The following HMG20A variants were observed in gnomAD, a reference collection of about 807,000 sequenced individuals.
HMG20A encodes high mobility group protein 20A.
A neutral mutation model predicts 43.9 loss-of-function variants in HMG20A; 17 were observed. That is an observed-to-expected ratio of 0.39 (90% CI 0.27 to 0.58). The LOEUF (loss-of-function observed/expected upper bound fraction) is 0.58. Among genes scored for constraint, HMG20A ranks in the 20% least tolerant of loss-of-function variants. The probability of loss-of-function intolerance (pLI) is 0.59; values close to 1 mark genes in which losing one functional copy is unlikely to be tolerated. For synonymous variants in HMG20A, 132 were observed against 147.5 expected (o/e 0.89, Z 0.76); for missense variants, 341 against 438.2 (o/e 0.78, Z 1.98).
the HMG20A span, among the ~76,000 whole-genome samples, chr15:77,517,275 G>A: frequency 6.6e-6 from 1 of 152,110 alleles, no homozygotes; most frequent in Non-Finnish European, 1.5e-5. Context: ...TTTCTTTGTA[G>A]CCACTGAGGA....
At chr15:77,450,454 A>G (rs2073724331) in intron 1 of HMG20A, among the ~76,000 whole-genome samples, 1 of 152,218 alleles carries the variant, frequency 6.6e-6, no homozygotes, top group Non-Finnish European at 1.5e-5. Context: ...TGTATGAAAC[A>G]AAGTTTGTAT....
the HMG20A span, among the ~76,000 whole-genome samples, chr15:77,516,554 G>A: frequency 6.6e-6 from 1 of 152,126 alleles, no homozygotes; most frequent in African/African-American, 2.4e-5. Context: ...CCCACCATGT[G>A]TGTCCCACTT....
intron 2 of HMG20A, among the ~76,000 whole-genome samples, chr15:77,463,670 T>C (rs929731058): frequency 4.6e-5 from 7 of 152,238 alleles, no homozygotes; most frequent in Non-Finnish European, 7.3e-5. Context: ...TAAGTACATC[T>C]GTCTGATTTA....
At chr15:77,511,845 A>G in the HMG20A span, among the ~76,000 whole-genome samples, 1 of 152,212 alleles carries the variant, frequency 6.6e-6, no homozygotes, top group Non-Finnish European at 1.5e-5. Context: ...GGAAAACCGT[A>G]TGGCAGATCC....
chr15:77,494,318 T>G, the HMG20A span, among the ~76,000 whole-genome samples: 1 of 152,050 alleles, frequency 6.6e-6, no homozygotes, highest in Non-Finnish European at 1.5e-5. Flanking sequence ...TTTATAGAGA[T>G]GGGGGTCTCA....
chr15:77,474,062 C>T (rs558694929), intron 6 of HMG20A, among the ~76,000 whole-genome samples: 1 of 152,230 alleles, frequency 6.6e-6, no homozygotes, highest in African/African-American at 2.4e-5. Flanking sequence ...CAGTAATTTT[C>T]TTACATATAA....
intron 2 of HMG20A, among the ~76,000 whole-genome samples, chr15:77,464,018 T>C (rs1047916653): frequency 3.9e-5 from 6 of 152,208 alleles, no homozygotes; most frequent in African/African-American, 1.4e-4. Context: ...TTGTTTTTGG[T>C]AGGAGATGTC....
intron 1 of HMG20A, 77 bp from the exon 2 acceptor site, chr15:77,458,327 G>C (rs1038430827): frequency 1.4e-5 from 13 of 898,666 alleles, no homozygotes; most frequent in Admixed American, 6.0e-5. Flanking sequence ...GTTCAAGAAG[G>C]CTGGCTCTTA....
rs1043567841 is a variant in HMG20A, at chr15:77,464,432, G to A, written c.237+45G>A. 1.9e-6 allele frequency: 3 copies of A among 1,598,116 alleles called. No individual in the cohort carries two copies. In the African/African-American group the frequency reaches 4.0e-5, roughly 21 times the overall value. ...TCTGTTCCTATCCTCTGAAACTTCT[G>A]AAGAAGCAGTCACAAGGAAGGTGTG... is the stretch of plus-strand genomic sequence containing the variant. On this transcript the variant is annotated intron_variant, in intron 3 of 9. Transcript: ENST00000336216.
chr15:77,468,128 T>C (rs1200733508), intron 4 of HMG20A, among the ~76,000 whole-genome samples: 1 of 152,228 alleles, frequency 6.6e-6, no homozygotes, highest in Non-Finnish European at 1.5e-5. Flanking sequence ...TTGCAACTTT[T>C]GAAGCTCTGT....
chr15:77,438,836 G>A (rs1163438937), intron 1 of HMG20A, among the ~76,000 whole-genome samples: 1 of 152,110 alleles, frequency 6.6e-6, no homozygotes, highest in African/African-American at 2.4e-5. Flanking sequence ...TGTCACCCAG[G>A]CTGGAGTGCA....
chr15:77,471,135 T>C (rs2072804560), intron 5 of HMG20A, 93 bp downstream of exon 5: 1 of 1,311,040 alleles, frequency 7.6e-7, no homozygotes, highest in Admixed American at 2.7e-5. Flanking sequence ...ATAAAAGATG[T>C]GTTTCTGTTT....
chr15:77,492,419 G>A, the HMG20A span, among the ~76,000 whole-genome samples: 1 of 152,160 alleles, frequency 6.6e-6, no homozygotes, highest in Non-Finnish European at 1.5e-5. Flanking sequence ...AAATCAAAAT[G>A]TAATTTCCCC....
chr15:77,421,217 G>A (rs901187469), intron 1 of HMG20A: 2 of 312,796 alleles, frequency 6.4e-6, no homozygotes, highest in African/African-American at 4.3e-5. Flanking sequence ...TGATGGTTTG[G>A]GGGTGTCCGA....
intron 1 of HMG20A, among the ~76,000 whole-genome samples, chr15:77,456,037 A>C (rs530581632): frequency 6.6e-5 from 10 of 152,278 alleles, no homozygotes; most frequent in African/African-American, 2.4e-4. Flanking sequence ...ACTCAGTAAC[A>C]CTGAGAAAAT....
chr15:77,421,150 A>T (rs1289350385), intron 1 of HMG20A, 146 bp downstream of exon 1: 397 of 68,980 alleles, frequency 5.8e-3, no homozygotes, highest in East Asian at 0.011. Flanking sequence ...CGGTTGGGGG[A>T]GGGGAGGAAG....
chr15:77,493,655 G>T, the HMG20A span, among the ~76,000 whole-genome samples: 16 of 152,336 alleles, frequency 1.1e-4, 1 homozygote, highest in East Asian at 2.7e-3. Context: ...TGGACTAAGG[G>T]TGTAGCAGTG....
chr15:77,452,276 A>G (rs1019306291), intron 1 of HMG20A, among the ~76,000 whole-genome samples: 2 of 152,202 alleles, frequency 1.3e-5, no homozygotes, highest in African/African-American at 4.8e-5. Context: ...AGGCTGGGGG[A>G]AATTTAAAGG....
chr15:77,437,999 G>A (rs1443073925), intron 1 of HMG20A, among the ~76,000 whole-genome samples: 3 of 151,758 alleles, frequency 2.0e-5, no homozygotes, highest in African/African-American at 7.3e-5. Flanking sequence ...TGGCTCTGTG[G>A]CCCAAGCTGG....
Sources: allele counts gnomAD v4.1 joint callset (sites outside exome capture counted in the v4.1 genomes callset), GRCh38; gene constraint gnomAD v4.1.1; transcripts MANE v1.5; gene names NCBI Gene and HGNC (gene_info 2026-07-23, HGNC 2026-07-21).